Variants in URB1 observed in about 807,000 individuals in gnomAD.
URB1 encodes URB1 ribosome biogenesis factor.
URB1 carries 197 observed loss-of-function variants against 242.3 expected under a neutral mutation model. The observed-to-expected ratio is 0.81, with a 90% CI of 0.72 to 0.91. The LOEUF is 0.91. Among genes scored for constraint, URB1 ranks in the 40% least tolerant of loss-of-function variants. The pLI, the probability that URB1 is intolerant of heterozygous loss-of-function variation, is 0.00. For missense variants in URB1, 2,721 were observed against 2,860.5 expected (o/e 0.95, Z 1.11); for synonymous variants, 1,153 against 1,201.8 (o/e 0.96, Z 0.84).
intron 8 of URB1, among the ~76,000 whole-genome samples, chr21:32,370,897 T>C (rs1320261782): frequency 6.6e-6 from 1 of 152,204 alleles, no homozygotes; most frequent in Non-Finnish European, 1.5e-5. Context: ...CAGCTTTCAG[T>C]GAACACCTAC....
chr21:32,316,493 G>C lies in URB1; in HGVS notation c.6607C>G (p.Leu2203Val), dbSNP rs1443214353. 1 of 1,537,996 alleles carries C rather than the reference G, an allele frequency of 6.5e-7. No homozygotes were observed. Among genetic ancestry groups the C allele is most frequent in the South Asian group, 1.2e-5 (1 of 81,934 alleles). Reference protein sequence around the residue: ...PAMEALSLSSLSEKDEATQAS... With the variant: ...PAMEALSLSSVSEKDEATQAS... ...TGTGTGGCTTCATCCTTCTCACTCA[G>C]AGAAGACAGGGAGAGGGCTTCCATG... is the stretch of plus-strand genomic sequence containing the variant. Residue 2203 changes from leucine (L) to valine (V), a missense_variant, in exon 38 of 39, where the codon CTG (leucine) becomes GTG (valine). By Grantham distance (32) the Leu-to-Val change is conservative (BLOSUM62 1). Transcript: ENST00000382751.
intron 37 of URB1, 120 bp from the exon 38 acceptor site, chr21:32,317,185 C>G (rs1423613305): frequency 7.3e-7 from 1 of 1,370,124 alleles, no homozygotes; most frequent in Non-Finnish European, 9.6e-7. Flanking sequence ...GAGCACCCGG[C>G]CCTGCTCCCA....
At chr21:32,367,331 T>C (rs1292966459) in intron 9 of URB1, among the ~76,000 whole-genome samples, 1 of 152,200 alleles carries the variant, frequency 6.6e-6, no homozygotes, top group Non-Finnish European at 1.5e-5. Context: ...ATCAGATGTT[T>C]CATCAGATGC....
rs77089077 is a variant in URB1, at chr21:32,324,421, A to C, written c.5233+70T>G. On this transcript the variant is annotated intron_variant, in intron 32 of 38. Coordinates refer to ENST00000382751, the MANE Select transcript of URB1 (RefSeq NM_014825.3). ...TGTGACCCACTATACCTGTGGGACT[A>C]ATCCCTAGAAGTAGACTTGCTCAGC... 367 of 1,279,200 alleles carry C rather than the reference A, an allele frequency of 2.9e-4. 1 individual carries two copies. The African/African-American group carries it at 5.0e-3, about 17-fold the overall frequency. The allele number at this position is 1,279,200 out of a possible 1,614,324, so 79.2% of individuals were successfully genotyped here. A position where few individuals can be genotyped will look rare whatever the true frequency, so the allele number is the denominator to read the frequency against.
rs369383880 is a variant in URB1, at chr21:32,355,537, T to C, written c.2018A>G (p.His673Arg). Residue 673 changes from histidine (H) to arginine (R), a missense_variant, in exon 16 of 39, where the codon CAC becomes CGC. His to Arg is a conservative substitution (Grantham distance 29). Transcript: ENST00000382751. ...CCAGAGCTCCAGCTCCTTCCAGGTGTGCTCAAACACCCCCGTGTCCCGCAG... is the reference window on the plus strand; with the variant it reads ...CCAGAGCTCCAGCTCCTTCCAGGTGCGCTCAAACACCCCCGTGTCCCGCAG... ...KILRDTGVFE[H>R]TWKELELWLE... is the part of the protein sequence containing the mutation. 6 of 1,551,632 alleles carry C rather than the reference T, an allele frequency of 3.9e-6. No homozygotes were observed. In the African/African-American group the frequency reaches 5.5e-5, roughly 14 times the overall value.
chr21:32,361,198 A>G (rs991897960), intron 12 of URB1, 75 bp from the exon 13 acceptor site: 3 of 970,284 alleles, frequency 3.1e-6, no homozygotes, highest in Non-Finnish European at 1.5e-6. Flanking sequence ...AAAGAAAGAA[A>G]GAAAGAAAAT....
At chr21:32,370,275 T>G (rs962497776) in intron 8 of URB1, among the ~76,000 whole-genome samples, 3 of 152,152 alleles carry the variant, frequency 2.0e-5, no homozygotes, top group Non-Finnish European at 4.4e-5. Flanking sequence ...ATGAGAGCTT[T>G]ACATATAGTA....
Position 32,362,892 on chromosome 21 carries a change from C to T in URB1, c.1509+264G>A, listed in dbSNP as rs375701540. On this transcript the variant is annotated intron_variant, in intron 11 of 38. Transcript: ENST00000382751. ...ATGAGGTCCCCACCAGAGACAGAAC[C>T]CCTGTGAGAGAACACATGTATCGTC... Among the ~76,000 whole-genome samples, 28 of 152,266 alleles carry T rather than the reference C, an allele frequency of 1.8e-4. 1 individual carries two copies. In the South Asian group the frequency reaches 4.8e-3, roughly 26 times the overall value.
At chr21:32,338,960 A>G in intron 25 of URB1, 60 bp from the exon 26 acceptor site, 1 of 1,404,072 alleles carries the variant, frequency 7.1e-7, no homozygotes, top group East Asian at 2.5e-5. Flanking sequence ...ATTTTACAGG[A>G]AACAATAAAG....
Position 32,352,752 on chromosome 21 carries a change from T to C in URB1, c.2571A>G (p.Arg857=). 10 of 1,551,644 alleles carry C rather than the reference T, an allele frequency of 6.4e-6. No individual in the cohort carries two copies. Among genetic ancestry groups the C allele is most frequent in the South Asian group, 1.2e-5 (1 of 84,060 alleles). The change falls in exon 19 of 39, where the codon AGA becomes AGG. Residue 857 remains arginine, a synonymous_variant. Transcript: ENST00000382751. ...GCTCCGGGATCCAGAGGCTGTAGTA[T>C]CTGTTAAACCGTGAGAGCTGCTGGC... ...PCCQQLSRFN[R]YYSLWIPEQA...
chr21:32,371,904 T>C (rs1397976478), intron 8 of URB1, among the ~76,000 whole-genome samples: 2 of 152,216 alleles, frequency 1.3e-5, no homozygotes, highest in Non-Finnish European at 2.9e-5. Context: ...AGATTTGAAC[T>C]TAATATGTTT....
At position 32,313,678 on chromosome 21, in the gene URB1, A is replaced by G. The variant is rs934060455; in HGVS notation, c.*1240T>C. On this transcript the variant is annotated 3_prime_UTR_variant, in exon 39 of 39. Coordinates refer to ENST00000382751, the MANE Select transcript of URB1 (RefSeq NM_014825.3). ...AAGTGTAAATGTTTCAGACAAAACC[A>G]AGGCATTGTCAGCACGATGTACATT... 2 of 152,330 alleles carry G rather than the reference A, an allele frequency of 1.3e-5. No homozygotes were observed. Among genetic ancestry groups the G allele is most frequent in the Admixed American group, 6.5e-5 (1 of 15,304 alleles). 9.4% of individuals were successfully genotyped at this position (152,330 alleles called of 1,614,324 possible). A position where few individuals can be genotyped will look rare whatever the true frequency, so the allele number is the denominator to read the frequency against.
chr21:32,356,268 T>C (rs1419841316), intron 15 of URB1, among the ~76,000 whole-genome samples: 29 of 152,158 alleles, frequency 1.9e-4, no homozygotes, highest in Admixed American at 3.9e-4. Flanking sequence ...TGCGCACACA[T>C]GTGGCCCTAG....
intron 19 of URB1, 78 bp from the exon 20 acceptor site, chr21:32,351,000 C>T: frequency 7.2e-7 from 1 of 1,388,952 alleles, no homozygotes; most frequent in Non-Finnish European, 9.8e-7. Context: ...ACAGGTAACA[C>T]ACAACAAACG....
intron 29 of URB1, 34 bp downstream of exon 29, chr21:32,334,129 G>A (rs911594617): frequency 6.7e-7 from 1 of 1,502,812 alleles, no homozygotes; most frequent in Non-Finnish European, 9.0e-7. Flanking sequence ...CTGGGGTGAA[G>A]GGGTGGGTAG....
chr21:32,380,467 G>C (rs763141579), intron 4 of URB1, among the ~76,000 whole-genome samples: 1 of 152,190 alleles, frequency 6.6e-6, no homozygotes, highest in African/African-American at 2.4e-5. Flanking sequence ...CACTGGTGCT[G>C]AGAATGTGCA....
chr21:32,377,331 C>G, intron 5 of URB1: 1 of 508,088 alleles, frequency 2.0e-6, no homozygotes, highest in Non-Finnish European at 3.9e-6. Context: ...GCATAAGCAC[C>G]TTAAAAGTTT....
intron 18 of URB1, among the ~76,000 whole-genome samples, chr21:32,353,575 G>A (rs1277583167): frequency 6.6e-6 from 1 of 152,154 alleles, no homozygotes; most frequent in Non-Finnish European, 1.5e-5. Flanking sequence ...ACTTCCTTGG[G>A]TCTAAGTTGC....
intron 32 of URB1, among the ~76,000 whole-genome samples, chr21:32,323,059 T>C (rs1363058144): frequency 6.6e-6 from 1 of 152,230 alleles, no homozygotes; most frequent in Non-Finnish European, 1.5e-5. Context: ...CCCTAGCTCC[T>C]GCTACCTCCT....
Sources: allele counts gnomAD v4.1 joint callset (sites outside exome capture counted in the v4.1 genomes callset), GRCh38; gene constraint gnomAD v4.1.1; transcripts MANE v1.5; gene names NCBI Gene and HGNC (gene_info 2026-07-23, HGNC 2026-07-21).